LRP1B: variants seen among roughly 807,000 people sequenced by gnomAD.
LRP1B encodes the protein low-density lipoprotein receptor-related protein 1B.
In LRP1B, 217 loss-of-function variants were observed where a neutral mutation model predicts 556.6. The observed-to-expected ratio is 0.39, with a 90% CI of 0.35 to 0.44. The LOEUF is 0.44. Ranked by LOEUF, LRP1B falls within the 20% of genes least tolerant of loss-of-function variation. LRP1B has a pLI of 1.00. For synonymous variants in LRP1B, 2,047 were observed against 1,865.8 expected (o/e 1.10, Z -2.50); for missense variants, 5,053 against 5,620.8 (o/e 0.90, Z 3.23).
At chr2:141,522,246 C>A (rs1183128450) in intron 2 of LRP1B, among the ~76,000 whole-genome samples, 2 of 152,212 alleles carry the variant, frequency 1.3e-5, no homozygotes, top group Admixed American at 6.6e-5. Context: ...GTCTGAGAAC[C>A]ATGTTCTGAC....
At chr2:141,418,869 A>G (rs1279520129) in intron 3 of LRP1B, among the ~76,000 whole-genome samples, 1 of 152,104 alleles carries the variant, frequency 6.6e-6, no homozygotes, top group Non-Finnish European at 1.5e-5. Flanking sequence ...ATCCATGAAC[A>G]TAGGAGGTCT....
intron 3 of LRP1B, among the ~76,000 whole-genome samples, chr2:141,324,947 G>T (rs1429141633): frequency 6.6e-6 from 1 of 151,892 alleles, no homozygotes; most frequent in Non-Finnish European, 1.5e-5. Flanking sequence ...TTTTATTCAG[G>T]ATGGTATTGT....
At chr2:141,860,787 C>T (rs778174736) in intron 1 of LRP1B, among the ~76,000 whole-genome samples, 7 of 152,100 alleles carry the variant, frequency 4.6e-5, no homozygotes, top group East Asian at 1.9e-4. Context: ...ACAGTAATGA[C>T]GATTTTCTAG....
At chr2:140,491,188 A>G (rs551248036) in intron 57 of LRP1B, among the ~76,000 whole-genome samples, 1 of 152,270 alleles carries the variant, frequency 6.6e-6, no homozygotes, top group South Asian at 2.1e-4. Context: ...TGAAGCAAGA[A>G]GCTATCACTG....
intron 35 of LRP1B, among the ~76,000 whole-genome samples, chr2:140,732,481 C>T (rs960709221): frequency 1.3e-5 from 2 of 151,860 alleles, no homozygotes; most frequent in Admixed American, 1.3e-4. Flanking sequence ...TTAAAAAACT[C>T]TTGAAGGAAA....
Position 141,739,952 on chromosome 2 carries a change from CATG to C in LRP1B, c.205+70324_205+70326del, listed in dbSNP as rs1397217738. ...ATTATGACAACATTCCTAGAAGTTA[CATG>C]ATGAGATAACTTTTAAAATGTACCA... On this transcript the variant is annotated intron_variant, in intron 2 of 90. Transcript: ENST00000389484. Among the ~76,000 whole-genome samples the C allele has an allele frequency of 2.0e-5, 3 of 151,724 alleles. No individual in the cohort carries two copies. In the South Asian group the frequency reaches 6.2e-4, roughly 31 times the overall value.
At chr2:140,644,925 C>A (rs1684426649) in intron 41 of LRP1B, among the ~76,000 whole-genome samples, 1 of 152,064 alleles carries the variant, frequency 6.6e-6, no homozygotes, top group African/African-American at 2.4e-5. Context: ...TACATACATT[C>A]TTTGCATTTT....
chr2:140,977,824 C>T (rs998551832), intron 18 of LRP1B, among the ~76,000 whole-genome samples: 1 of 152,116 alleles, frequency 6.6e-6, no homozygotes, highest in African/African-American at 2.4e-5. Context: ...ATTAAAAATA[C>T]TAATTATTGG....
chr2:140,439,089 A>C (rs953722414), intron 66 of LRP1B, among the ~76,000 whole-genome samples: 3 of 152,242 alleles, frequency 2.0e-5, no homozygotes, highest in Non-Finnish European at 4.4e-5. Flanking sequence ...CTGATTACTA[A>C]GCAGACATGT....
intron 74 of LRP1B, among the ~76,000 whole-genome samples, chr2:140,357,226 TTTAA>T (rs955727991): frequency 5.3e-5 from 8 of 151,756 alleles, no homozygotes; most frequent in Non-Finnish European, 8.8e-5. Flanking sequence ...ATGTGAGAAC[TTTAA>T]TTATTATCGT....
intron 7 of LRP1B, among the ~76,000 whole-genome samples, chr2:141,137,506 C>A (rs1388417718): frequency 6.6e-6 from 1 of 151,886 alleles, no homozygotes; most frequent in Non-Finnish European, 1.5e-5. Context: ...GAAAAGGCTA[C>A]AAAATGATGT....
chr2:140,461,027 CACT>C (rs1199630860), intron 60 of LRP1B, among the ~76,000 whole-genome samples: 10 of 147,838 alleles, frequency 6.8e-5, no homozygotes, highest in Non-Finnish European at 8.9e-5. Flanking sequence ...CGCACCACTG[CACT>C]CCAGCCTGGG....
intron 41 of LRP1B, among the ~76,000 whole-genome samples, chr2:140,666,262 G>A (rs1046463844): frequency 6.6e-6 from 1 of 150,672 alleles, no homozygotes; most frequent in African/African-American, 2.4e-5. Flanking sequence ...CAAAGTGCTG[G>A]GATTATAGGC....
intron 2 of LRP1B, among the ~76,000 whole-genome samples, chr2:141,656,055 T>G (rs34174075): frequency 0.43 from 64,621 of 151,920 alleles, 14,113 homozygotes; most frequent in Middle Eastern, 0.47. Context: ...ATACCCATTT[T>G]GTTAATGGAG....
chr2:141,463,620 T>C (rs545386022), intron 3 of LRP1B, among the ~76,000 whole-genome samples: 2 of 65,800 alleles, frequency 3.0e-5, no homozygotes, highest in South Asian at 6.7e-4. Context: ...TATAATTATG[T>C]ATTATATATT....
chr2:141,489,042 T>C (rs72849666), intron 2 of LRP1B, among the ~76,000 whole-genome samples: 9,804 of 150,556 alleles, frequency 0.065, 415 homozygotes, highest in South Asian at 0.17. Flanking sequence ...AGTGGCATGA[T>C]TGTGGCTCCT....
intron 4 of LRP1B, among the ~76,000 whole-genome samples, chr2:141,248,328 A>G (rs1345453880): frequency 6.6e-6 from 1 of 152,164 alleles, no homozygotes; most frequent in East Asian, 1.9e-4. Context: ...CCTACCCCTG[A>G]GTAAGACGAG....
intron 22 of LRP1B, 85 bp from the exon 23 acceptor site, chr2:140,903,250 C>A (rs2105224053): frequency 6.8e-7 from 1 of 1,462,862 alleles, no homozygotes; most frequent in Non-Finnish European, 9.3e-7. Flanking sequence ...TTCTCTAAGC[C>A]TACAATTAGC....
intron 41 of LRP1B, among the ~76,000 whole-genome samples, chr2:140,667,935 C>T (rs929219238): frequency 1.3e-5 from 2 of 152,070 alleles, no homozygotes; most frequent in Admixed American, 6.5e-5. Context: ...GTTTCATAAC[C>T]AGTAGAAACT....
Sources: allele counts gnomAD v4.1 joint callset (sites outside exome capture counted in the v4.1 genomes callset), GRCh38; gene constraint gnomAD v4.1.1; transcripts MANE v1.5; gene names NCBI Gene and HGNC (gene_info 2026-07-23, HGNC 2026-07-21).